The following ADCYAP1R1 variants were observed in gnomAD, a reference collection of about 807,000 sequenced individuals.
ADCYAP1R1 encodes ADCYAP receptor type I.
A neutral mutation model predicts 67.6 loss-of-function variants in ADCYAP1R1; 44 were observed. The observed-to-expected ratio is 0.65, with a 90% CI of 0.51 to 0.84. The LOEUF (loss-of-function observed/expected upper bound fraction) is 0.84, where lower values mean the gene tolerates loss of function less well. ADCYAP1R1 is among the 40% of genes least tolerant of loss of function. ADCYAP1R1 has a pLI of 0.00. For missense variants in ADCYAP1R1, 477 were observed against 587.9 expected, an observed-to-expected ratio of 0.81 and a Z score of 1.95; for synonymous variants, 222 against 219.6, an observed-to-expected ratio of 1.01 and a Z score of -0.10.
At chr7:31,087,213 A>G (rs1376680933) in intron 11 of ADCYAP1R1, among the ~76,000 whole-genome samples, 1 of 152,206 alleles carries the variant, frequency 6.6e-6, no homozygotes, top group African/African-American at 2.4e-5. Flanking sequence ...CAGCAAGAGA[A>G]TGTGCTAGGT....
intron 13 of ADCYAP1R1, among the ~76,000 whole-genome samples, chr7:31,098,665 T>C (rs866799254): frequency 4.1e-4 from 51 of 125,674 alleles, no homozygotes; most frequent in Middle Eastern, 6.2e-3. Context: ...GTTTGTTGAA[T>C]GAGAACCCCA....
chr7:31,104,754 C>T, intron 14 of ADCYAP1R1, 114 bp from the exon 15 acceptor site: 3 of 1,200,622 alleles, frequency 2.5e-6, no homozygotes, highest in Non-Finnish European at 3.7e-6. Flanking sequence ...GGGCAGGTGC[C>T]CCCATCCAGG....
intron 12 of ADCYAP1R1, among the ~76,000 whole-genome samples, chr7:31,089,545 A>C (rs1275286749): frequency 6.6e-6 from 1 of 151,502 alleles, no homozygotes; most frequent in Non-Finnish European, 1.5e-5. Context: ...CTTTTCCTTC[A>C]TTATGAGCAG....
At chr7:31,072,002 G>T (rs6968349) in intron 3 of ADCYAP1R1, among the ~76,000 whole-genome samples, 8,507 of 29,908 alleles carry the variant, frequency 0.28, 728 homozygotes, top group East Asian at 0.49. Context: ...CATCCATCCA[G>T]CCACCCACCC....
At chr7:31,081,674 C>T in intron 5 of ADCYAP1R1, 39 bp from the exon 6 acceptor site, 1 of 1,541,408 alleles carries the variant, frequency 6.5e-7, no homozygotes, top group East Asian at 2.3e-5. Context: ...TAACTGTAAG[C>T]CAGGCATTTT....
chr7:31,080,178 A>G (rs1795456658), intron 4 of ADCYAP1R1, among the ~76,000 whole-genome samples: 2 of 152,232 alleles, frequency 1.3e-5, no homozygotes, highest in Non-Finnish European at 2.9e-5. Context: ...GGCACAATGA[A>G]GGTGTTATTT....
At chr7:31,077,278 T>C (rs1260226897) in intron 3 of ADCYAP1R1, among the ~76,000 whole-genome samples, 1 of 151,890 alleles carries the variant, frequency 6.6e-6, no homozygotes, top group Non-Finnish European at 1.5e-5. Flanking sequence ...GTGGGTGTGG[T>C]GCATGTGTGC....
intron 8 of ADCYAP1R1, 75 bp from the exon 9 acceptor site, chr7:31,085,234 AC>A (rs1227254891): frequency 1.2e-5 from 19 of 1,549,810 alleles, no homozygotes; most frequent in Non-Finnish European, 1.7e-5. Context: ...GAGTTGGCCC[AC>A]CACAGATGCC....
chr7:31,101,177 G>C (rs768626314), intron 13 of ADCYAP1R1, among the ~76,000 whole-genome samples: 4 of 152,156 alleles, frequency 2.6e-5, no homozygotes, highest in Non-Finnish European at 4.4e-5. Flanking sequence ...GGCTGCTGTG[G>C]GGCTGCTGGG....
In ADCYAP1R1 at chr7:31,111,009, A is replaced by G. The variant is rs539201743; in HGVS notation, c.*4325A>G. 6.6e-6 allele frequency: 1 copy of G among 152,328 alleles called. No individual in the cohort carries two copies. Among genetic ancestry groups the G allele is most frequent in the East Asian group, 1.9e-4 (1 of 5,182 alleles). The allele number at this position is 152,328 out of a possible 1,614,324, so 9.4% of individuals were successfully genotyped here. A position where few individuals can be genotyped will look rare whatever the true frequency, so the allele number is the denominator to read the frequency against. ...CAGCATCAGGAGTAAGGGGGAGGCC[A>G]GAGGGCTCAGATGGACACAGAATTC... On this transcript the variant is annotated 3_prime_UTR_variant, in exon 16 of 16. Coordinates refer to ENST00000304166, the MANE Select transcript of ADCYAP1R1 (RefSeq NM_001118.5).
At chr7:31,085,103 A>G (rs991623169) in intron 8 of ADCYAP1R1, among the ~76,000 whole-genome samples, 1 of 152,114 alleles carries the variant, frequency 6.6e-6, no homozygotes, top group Non-Finnish European at 1.5e-5. Context: ...CACAGGAGGG[A>G]GAAGTCTGGC....
At chr7:31,101,974 C>A (rs1796456544) in intron 13 of ADCYAP1R1, among the ~76,000 whole-genome samples, 1 of 152,214 alleles carries the variant, frequency 6.6e-6, no homozygotes, top group African/African-American at 2.4e-5. Context: ...GCCTAAAGAT[C>A]TCCTCAGGCT....
At chr7:31,092,312 A>C (rs778821961) in intron 12 of ADCYAP1R1, among the ~76,000 whole-genome samples, 1 of 151,800 alleles carries the variant, frequency 6.6e-6, no homozygotes, top group African/African-American at 2.4e-5. Flanking sequence ...TCACTTCTGC[A>C]ATAGTCTTAC....
In ADCYAP1R1 at chr7:31,109,050, T is replaced by C. The variant is rs915525090; in HGVS notation, c.*2366T>C. The C allele has an allele frequency of 2.6e-5, 4 of 152,216 alleles. No individual in the cohort carries two copies. The highest frequency in any genetic ancestry group is 7.2e-5 in the African/African-American group (3 of 41,462). 9.4% of individuals were successfully genotyped at this position (152,216 alleles called of 1,614,324 possible). On this transcript the variant is annotated 3_prime_UTR_variant, in exon 16 of 16. Coordinates refer to ENST00000304166, the MANE Select transcript of ADCYAP1R1 (RefSeq NM_001118.5). ...TCATCATGACTCCCAACAGTTTTCA[T>C]TGTGGAAGAAGAAACTTTGGCATTA...
intron 9 of ADCYAP1R1, among the ~76,000 whole-genome samples, chr7:31,085,696 A>G (rs1335811023): frequency 6.6e-6 from 1 of 152,234 alleles, no homozygotes; most frequent in Non-Finnish European, 1.5e-5. Flanking sequence ...GCATTTGGCA[A>G]GGCAGAAGAG....
chr7:31,091,767 C>A (rs1302113048), intron 12 of ADCYAP1R1, among the ~76,000 whole-genome samples: 1 of 152,122 alleles, frequency 6.6e-6, no homozygotes, highest in Non-Finnish European at 1.5e-5. Context: ...CCTCATGAAA[C>A]AGCCTTTGTC....
intron 3 of ADCYAP1R1, among the ~76,000 whole-genome samples, chr7:31,068,210 C>CGT (rs1170890951): frequency 2.1e-5 from 3 of 140,222 alleles, no homozygotes; most frequent in African/African-American, 8.9e-5. Flanking sequence ...CACGCATGTG[C>CGT]GCGCGCACAC....
rs1796841170 is a variant in ADCYAP1R1 at position 31,110,964 on chromosome 7, T to A, written c.*4280T>A. The A allele has an allele frequency of 6.6e-6, 1 of 152,212 alleles. No homozygotes were observed. Among genetic ancestry groups the A allele is most frequent in the Admixed American group, 6.5e-5 (1 of 15,290 alleles). The allele number at this position is 152,212 out of a possible 1,614,324, so 9.4% of individuals were successfully genotyped here. On this transcript the variant is annotated 3_prime_UTR_variant, in exon 16 of 16. Transcript: ENST00000304166. ...CTTTGAGCCCTCCTAAGTTAACCTG[T>A]GCCTCATTTGTAAAACCACCAGCAT...
Position 31,086,315 on chromosome 7 carries a change from C to A in ADCYAP1R1, c.670-69C>A. On this transcript the variant is annotated intron_variant, in intron 9 of 15. Transcript: ENST00000304166. The surrounding 1 kb of genome is among the most constrained non-coding windows in gnomAD (Gnocchi z 5.0). ...ACCTGAGCATGCCAGAGCCAACGGG[C>A]CCTAGGATTCTCCCTTGCTCCTGTT... The A allele has an allele frequency of 6.5e-7, 1 of 1,531,408 alleles. No homozygotes were observed. 94.9% of individuals were successfully genotyped at this position (1,531,408 alleles called of 1,614,324 possible).
Sources: gnomAD v4.1 joint callset for allele counts (sites outside exome capture counted in the v4.1 genomes callset) on GRCh38, gnomAD v4.1.1 for gene constraint, Gnocchi (gnomAD v3.1) non-coding constraint, MANE v1.5 for transcripts, NCBI Gene and HGNC (gene_info 2026-07-23, HGNC 2026-07-21) for gene names.